The following GRIN3A variants were observed in gnomAD, a reference collection of about 807,000 sequenced individuals.
GRIN3A encodes glutamate receptor ionotropic, NMDA 3A.
Under a neutral mutation model 92.4 loss-of-function variants are expected in GRIN3A, and 47 were observed. The observed-to-expected ratio is 0.51, with a 90% CI of 0.40 to 0.65. The LOEUF is 0.65. GRIN3A is among the 30% of genes least tolerant of loss of function. The pLI is 0.00. For synonymous variants in GRIN3A, 527 were observed against 540.6 expected, an observed-to-expected ratio of 0.97 and a Z score of 0.35; for missense variants, 1,324 against 1,393.1, an observed-to-expected ratio of 0.95 and a Z score of 0.79.
chr9:101,650,473 C>T (rs141109829), intron 3 of GRIN3A, among the ~76,000 whole-genome samples: 91 of 152,106 alleles, frequency 6.0e-4, no homozygotes, highest in African/African-American at 2.1e-3. Flanking sequence ...GAGGATAAGA[C>T]ATGTGGAACA....
intron 6 of GRIN3A, chr9:101,594,211 C>T (rs1828075015): frequency 3.1e-6 from 2 of 643,284 alleles, no homozygotes; most frequent in African/African-American, 1.8e-5. Context: ...GCTCTTCCCC[C>T]TATAGGGTAC....
At chr9:101,590,731 T>G (rs1828013034) in intron 6 of GRIN3A, among the ~76,000 whole-genome samples, 1 of 152,164 alleles carries the variant, frequency 6.6e-6, no homozygotes, top group Non-Finnish European at 1.5e-5. Context: ...GTATTCAAAA[T>G]AGATATAACA....
intron 1 of GRIN3A, among the ~76,000 whole-genome samples, chr9:101,725,511 C>T (rs931739738): frequency 1.3e-5 from 2 of 152,152 alleles, no homozygotes; most frequent in Non-Finnish European, 2.9e-5. Context: ...TTTTTCAAGA[C>T]ATCTTTAAGT....
chr9:101,705,256 A>G (rs1829799262), intron 1 of GRIN3A, among the ~76,000 whole-genome samples: 1 of 152,148 alleles, frequency 6.6e-6, no homozygotes. Context: ...GCAGAGGAAC[A>G]GAGCCGCAGA....
chr9:101,585,062 A>AT (rs1827933069), intron 6 of GRIN3A, among the ~76,000 whole-genome samples: 1 of 151,924 alleles, frequency 6.6e-6, no homozygotes, highest in Non-Finnish European at 1.5e-5. Flanking sequence ...CTTTTCTCCC[A>AT]TTCTCCCTTA....
At chr9:101,589,145 A>G (rs1827990986) in intron 6 of GRIN3A, among the ~76,000 whole-genome samples, 1 of 151,750 alleles carries the variant, frequency 6.6e-6, no homozygotes, top group Admixed American at 6.6e-5. Flanking sequence ...TGATTTTTGT[A>G]TTTTTTTAAT....
intron 3 of GRIN3A, among the ~76,000 whole-genome samples, chr9:101,632,295 A>G (rs1406963407): frequency 6.6e-6 from 1 of 152,192 alleles, no homozygotes; most frequent in Non-Finnish European, 1.5e-5. Context: ...AGCACTGACA[A>G]CACTTGGGAT....
chr9:101,637,657 C>G (rs1828803281), intron 3 of GRIN3A, among the ~76,000 whole-genome samples: 2 of 152,206 alleles, frequency 1.3e-5, no homozygotes, highest in Non-Finnish European at 2.9e-5. Context: ...AACAACAATA[C>G]TAAATAAGCA....
intron 5 of GRIN3A, among the ~76,000 whole-genome samples, chr9:101,616,574 C>T (rs74508789): frequency 0.041 from 6,208 of 151,698 alleles, 143 homozygotes; most frequent in East Asian, 0.12. Flanking sequence ...GTTTTTTATG[C>T]GTTATTTCAT....
intron 3 of GRIN3A, among the ~76,000 whole-genome samples, chr9:101,661,750 A>G (rs545663899): frequency 1.8e-4 from 27 of 151,954 alleles, no homozygotes; most frequent in Non-Finnish European, 3.5e-4. Context: ...GCGAAAGGGC[A>G]TAAACTCTGT....
In GRIN3A at chr9:101,697,785, G is replaced by A. The variant is rs373108979; in HGVS notation, c.700-10585C>T. 1.4e-4 allele frequency among the ~76,000 whole-genome samples: 21 copies of A among 152,294 alleles called. No individual in the cohort carries two copies. The East Asian group carries it at 3.9e-3, about 28-fold the overall frequency. On this transcript the variant is annotated intron_variant, in intron 1 of 8. Transcript: ENST00000361820. ...GAATGCCACAAATTAAGGGGCAGGA[G>A]TGAATTAGAGGCATTTCTCTTTCTA...
At chr9:101,665,035 A>G (rs921220474) in intron 3 of GRIN3A, among the ~76,000 whole-genome samples, 4 of 142,624 alleles carry the variant, frequency 2.8e-5, no homozygotes, top group African/African-American at 9.8e-5. Context: ...TGGTGTTTAG[A>G]TTCCAAGACT....
chr9:101,634,752 A>G (rs1828762821), intron 3 of GRIN3A, among the ~76,000 whole-genome samples: 1 of 152,148 alleles, frequency 6.6e-6, no homozygotes, highest in Non-Finnish European at 1.5e-5. Flanking sequence ...ATATATACCT[A>G]TTTGTGCTGC....
chr9:101,721,401 T>C (rs1830011372), intron 1 of GRIN3A, among the ~76,000 whole-genome samples: 1 of 152,182 alleles, frequency 6.6e-6, no homozygotes, highest in Non-Finnish European at 1.5e-5. Context: ...CATGTCCTAA[T>C]CAGCAGCATG....
At chr9:101,604,238 A>G (rs142667672) in intron 6 of GRIN3A, among the ~76,000 whole-genome samples, 108 of 152,342 alleles carry the variant, frequency 7.1e-4, no homozygotes, top group African/African-American at 2.4e-3. Context: ...AAGAAAGACA[A>G]GGAAGAAAAG....
chr9:101,726,339 C>T (rs761805392), intron 1 of GRIN3A, among the ~76,000 whole-genome samples: 21 of 152,172 alleles, frequency 1.4e-4, no homozygotes, highest in Admixed American at 5.9e-4. Context: ...GCTGGTATCC[C>T]GAGAGGAGTT....
At chr9:101,637,230 C>T (rs1308505439) in intron 3 of GRIN3A, among the ~76,000 whole-genome samples, 2 of 152,088 alleles carry the variant, frequency 1.3e-5, no homozygotes, top group Non-Finnish European at 2.9e-5. Flanking sequence ...GTAGATGGGA[C>T]TACAGGCGCC....
chr9:101,620,539 T>C (rs1828536224), intron 5 of GRIN3A, among the ~76,000 whole-genome samples: 1 of 152,118 alleles, frequency 6.6e-6, no homozygotes, highest in Admixed American at 6.6e-5. Context: ...TGCACTCTGT[T>C]TTCTCTCCTA....
At position 101,673,348 on chromosome 9, in the gene GRIN3A, G is replaced by T. The variant is rs989869940; in HGVS notation, c.1305-2241C>A. Among the ~76,000 whole-genome samples the T allele has an allele frequency of 8.5e-5, 13 of 152,210 alleles. No homozygotes were observed. In the East Asian group the frequency reaches 2.3e-3, roughly 27 times the overall value. ...GGCCATGATAGAGGGACAAGGCCCA[G>T]TTGTCTTTGAGCCAGTCATTTTCCA... On this transcript the variant is annotated intron_variant, in intron 2 of 8. Coordinates refer to ENST00000361820, the MANE Select transcript of GRIN3A (RefSeq NM_133445.3).
Sources: allele counts gnomAD v4.1 joint callset (sites outside exome capture counted in the v4.1 genomes callset), GRCh38; gene constraint gnomAD v4.1.1; transcripts MANE v1.5; gene names NCBI Gene and HGNC (gene_info 2026-07-23, HGNC 2026-07-21).